DCP1A: variants seen among roughly 807,000 people sequenced by gnomAD.
The protein encoded by DCP1A is mRNA-decapping enzyme 1A.
In DCP1A, 20 loss-of-function variants were observed where a neutral mutation model predicts 58.0. The ratio of observed to expected loss-of-function variants is 0.34; its 90% confidence interval spans 0.24 to 0.50. The LOEUF (loss-of-function observed/expected upper bound fraction) is 0.50, where lower values mean the gene tolerates loss of function less well. Ranked by LOEUF, DCP1A falls within the 20% of genes least tolerant of loss-of-function variation. The pLI is 0.98. For synonymous variants in DCP1A, 285 were observed against 275.1 expected (o/e 1.04, Z -0.36); for missense variants, 613 against 712.2 (o/e 0.86, Z 1.59).
intron 3 of DCP1A, among the ~76,000 whole-genome samples, chr3:53,341,922 C>T (rs1245994358): frequency 6.6e-6 from 1 of 152,040 alleles, no homozygotes; most frequent in African/African-American, 2.4e-5. Flanking sequence ...AGTGATCTGC[C>T]CTCCTCGGCC....
In DCP1A at chr3:53,292,464, G is replaced by T. The variant is rs781827654; in HGVS notation, c.988C>A (p.Gln330Lys). The T allele has an allele frequency of 2.8e-5, 45 of 1,613,930 alleles. No homozygotes were observed. In the Admixed American group the frequency reaches 7.5e-4, roughly 27 times the overall value. The change falls in exon 7 of 10, where the codon CAG becomes AAG. Residue 330 changes from glutamine (Q) to lysine (K), a missense_variant. By Grantham distance (53) the Gln-to-Lys change is moderately conservative. This residue lies in a region of DCP1A where 498 missense variants were observed against 556.7 expected (regional missense o/e 0.89). Coordinates refer to ENST00000610213, the MANE Select transcript of DCP1A (RefSeq NM_018403.7). ...PTLPAEAPTA[Q>K]VPPSLPRNST... The stretch of plus-strand genomic sequence containing the variant: ...TTTCGAGGTAAGCTGGGGGGAACCT[G>T]TGCAGTAGGAGCTTCAGCTGGCAGA...
chr3:53,297,456 G>A (rs1289200418), intron 6 of DCP1A, among the ~76,000 whole-genome samples: 1 of 151,752 alleles, frequency 6.6e-6, no homozygotes, highest in Non-Finnish European at 1.5e-5. Context: ...CACCTCCTGG[G>A]TTCAAGTGAT....
At chr3:53,314,833 G>T (rs141233085) in intron 4 of DCP1A, among the ~76,000 whole-genome samples, 3 of 151,564 alleles carry the variant, frequency 2.0e-5, no homozygotes, top group African/African-American at 7.3e-5. Context: ...TATCATGCCC[G>T]GCTAATTTTT....
chr3:53,337,101 A>C (rs1179245400), intron 3 of DCP1A, among the ~76,000 whole-genome samples: 1 of 152,014 alleles, frequency 6.6e-6, no homozygotes, highest in Non-Finnish European at 1.5e-5. Flanking sequence ...TGAACTCCTG[A>C]CCGCAGGTGA....
intron 1 of DCP1A, 92 bp downstream of exon 1, chr3:53,347,291 T>A: frequency 2.2e-6 from 3 of 1,369,234 alleles, no homozygotes; most frequent in Non-Finnish European, 2.8e-6. Flanking sequence ...CCTGGCCTCT[T>A]AGTGTGCCCC....
At chr3:53,309,333 T>C (rs1707575594) in intron 5 of DCP1A, among the ~76,000 whole-genome samples, 1 of 148,414 alleles carries the variant, frequency 6.7e-6, no homozygotes. Flanking sequence ...ATCGCGCCAC[T>C]GCACTGTAGC....
intron 3 of DCP1A, among the ~76,000 whole-genome samples, chr3:53,326,981 C>A (rs570851467): frequency 2.7e-5 from 4 of 150,262 alleles, no homozygotes; most frequent in Non-Finnish European, 5.9e-5. Flanking sequence ...GTCCAACCCC[C>A]CCCCCCCAAC....
At chr3:53,291,979 T>C in intron 7 of DCP1A, 90 bp downstream of exon 7, 3 of 1,387,878 alleles carry the variant, frequency 2.2e-6, no homozygotes, top group Middle Eastern at 2.6e-4. Context: ...AAAATTGTCA[T>C]GTCATGACAG....
At chr3:53,332,888 C>A (rs1302033180) in intron 3 of DCP1A, among the ~76,000 whole-genome samples, 3 of 151,672 alleles carry the variant, frequency 2.0e-5, no homozygotes, top group African/African-American at 7.3e-5. Context: ...CTACTTTTTG[C>A]AATTAATTTC....
chr3:53,337,923 A>G (rs1575621762), intron 3 of DCP1A, among the ~76,000 whole-genome samples: 1 of 152,266 alleles, frequency 6.6e-6, no homozygotes, highest in African/African-American at 2.4e-5. Context: ...TATATGGGAC[A>G]GTGCTGACAC....
chr3:53,309,607 A>G (rs980342227), intron 5 of DCP1A, among the ~76,000 whole-genome samples: 24 of 152,102 alleles, frequency 1.6e-4, no homozygotes, highest in Non-Finnish European at 2.9e-4. Flanking sequence ...TACAAAAAAT[A>G]AACAAAATTA....
In DCP1A at chr3:53,283,430, A is replaced by C. The variant is rs1279046495; in HGVS notation, c.*4150T>G. ...AATAAAAACACAATTAAATTTTAGT[A>C]GGTGCTAAAACTTGGTTTTGAAATT... On this transcript the variant is annotated 3_prime_UTR_variant, in exon 10 of 10. Coordinates refer to ENST00000610213, the MANE Select transcript of DCP1A (RefSeq NM_018403.7). The C allele has an allele frequency of 6.6e-6, 1 of 152,264 alleles. No homozygotes were observed. Among genetic ancestry groups the C allele is most frequent in the Non-Finnish European group, 1.5e-5 (1 of 68,046 alleles). The allele number at this position is 152,264 out of a possible 1,614,324, so 9.4% of individuals were successfully genotyped here. A position where few individuals can be genotyped will look rare whatever the true frequency, so the allele number is the denominator to read the frequency against.
chr3:53,323,113 C>T lies in DCP1A; in HGVS notation c.305-3640G>A, dbSNP rs141691825. Reference sequence around the variant, plus strand: ...TGCTGGGATTACAGGCGTGAGCCACCGCGCCCGGCCGAGTTTCCCATGTTT... The same window carrying T: ...TGCTGGGATTACAGGCGTGAGCCACTGCGCCCGGCCGAGTTTCCCATGTTT... On this transcript the variant is annotated intron_variant, in intron 3 of 9. Transcript: ENST00000610213. Among the ~76,000 whole-genome samples the T allele has an allele frequency of 9.6e-3, 1,457 of 152,214 alleles. 24 individuals are homozygous for T. The highest frequency in any genetic ancestry group is 0.034 in the African/African-American group (1,393 of 41,548).
intron 8 of DCP1A, among the ~76,000 whole-genome samples, chr3:53,289,501 A>T (rs529532334): frequency 2.0e-5 from 3 of 151,440 alleles, no homozygotes; most frequent in African/African-American, 7.3e-5. Context: ...AATCCCAGCT[A>T]CTTGGGACGC....
At chr3:53,337,617 T>C (rs1165247272) in intron 3 of DCP1A, among the ~76,000 whole-genome samples, 2 of 152,252 alleles carry the variant, frequency 1.3e-5, no homozygotes, top group African/African-American at 2.4e-5. Flanking sequence ...AATGTTACCA[T>C]GGCAAAGCCA....
Position 53,312,378 on chromosome 3 carries a change from C to T in DCP1A, c.373G>A (p.Val125Met), listed in dbSNP as rs1553688783. 4 of 1,585,748 alleles carry T rather than the reference C, an allele frequency of 2.5e-6. No individual in the cohort carries two copies. The highest frequency in any genetic ancestry group is 3.4e-6 in the Non-Finnish European group (4 of 1,169,230). Residue 125 changes from valine (V) to methionine (M), a missense_variant and splice_region_variant, in exon 5 of 10, where the codon GTG becomes ATG. Val to Met is a conservative substitution (Grantham distance 21). This residue lies in a region of DCP1A where 498 missense variants were observed against 556.7 expected (regional missense o/e 0.89). Transcript: ENST00000610213. ...GATCGCCGTGTCTCCTCTTCTACCA[C>T]ACTAGAGGAGAAGAACAAGGTTTTA... ...CHRIAKLMADVVEEETRRSQQ... is the reference protein window; with the variant it reads ...CHRIAKLMADMVEEETRRSQQ...
Position 53,347,483 on chromosome 3 carries a change from C to T in DCP1A, c.35G>A (p.Ser12Asn). The T allele has an allele frequency of 6.2e-7, 1 of 1,613,412 alleles. No homozygotes were observed. Among genetic ancestry groups the T allele is most frequent in the Non-Finnish European group, 8.5e-7 (1 of 1,179,544 alleles). ...EALSRAGQEM[S>N]LAALKQHDPY... ...GTCGTGTTGCTTCAGGGCCGCTAGGCTCATCTCCTGCCCAGCTCGACTCAG... is the reference window on the plus strand; with the variant it reads ...GTCGTGTTGCTTCAGGGCCGCTAGGTTCATCTCCTGCCCAGCTCGACTCAG... The change falls in exon 1 of 10, where the codon AGC becomes AAC. Residue 12 changes from serine (S) to asparagine (N), a missense_variant. Ser to Asn is a conservative substitution (Grantham distance 46). Coordinates refer to ENST00000610213, the MANE Select transcript of DCP1A (RefSeq NM_018403.7).
intron 3 of DCP1A, among the ~76,000 whole-genome samples, chr3:53,335,086 GGTGT>G (rs140454902): frequency 0.047 from 6,821 of 145,252 alleles, 496 homozygotes; most frequent in African/African-American, 0.16. Flanking sequence ...AATGTGTCTG[GGTGT>G]GTGTGTGTGT....
At chr3:53,328,398 T>C (rs1380272104) in intron 3 of DCP1A, among the ~76,000 whole-genome samples, 2 of 152,220 alleles carry the variant, frequency 1.3e-5, no homozygotes, top group Non-Finnish European at 2.9e-5. Flanking sequence ...AACAATGATT[T>C]CCTTTGTGAG....
Sources: gnomAD v4.1 joint callset for allele counts (sites outside exome capture counted in the v4.1 genomes callset) on GRCh38, gnomAD v4.1.1 for gene constraint, gnomAD v4.1.1 regional missense constraint, MANE v1.5 for transcripts, NCBI Gene and HGNC (gene_info 2026-07-23, HGNC 2026-07-21) for gene names.